Variants in DNAH14 observed in about 807,000 individuals in gnomAD.
DNAH14 encodes the protein axonemal beta dynein heavy chain 14.
DNAH14 carries 478 observed loss-of-function variants against 520.9 expected under a neutral mutation model. The ratio of observed to expected loss-of-function variants is 0.92; its 90% CI spans 0.85 to 0.99. The LOEUF is 0.99. Ranked by LOEUF, DNAH14 falls within the 50% of genes least tolerant of loss-of-function variation. DNAH14 has a pLI of 0.00. For missense variants in DNAH14, 4,831 were observed against 5,234.5 expected (o/e 0.92, Z 2.38); for synonymous variants, 1,581 against 1,757.2 (o/e 0.90, Z 2.51).
intron 15 of DNAH14, among the ~76,000 whole-genome samples, chr1:225,048,674 AT>A (rs2068191728): frequency 6.6e-6 from 1 of 152,184 alleles, no homozygotes; most frequent in Admixed American, 6.5e-5. Flanking sequence ...ACACATTCAC[AT>A]ATAGGCTTTT....
At chr1:225,131,316 T>C (rs1314644916) in intron 27 of DNAH14, among the ~76,000 whole-genome samples, 1 of 152,190 alleles carries the variant, frequency 6.6e-6, no homozygotes, top group Non-Finnish European at 1.5e-5. Flanking sequence ...TGGGCTAAGA[T>C]CAAGGTGTCA....
chr1:225,184,495 C>T (rs1167336974), intron 36 of DNAH14, among the ~76,000 whole-genome samples: 2 of 152,050 alleles, frequency 1.3e-5, no homozygotes, highest in Non-Finnish European at 2.9e-5. Flanking sequence ...TGGCACGCAC[C>T]TGTAGTCCCA....
chr1:225,363,574 C>G (rs1289631581), intron 75 of DNAH14, among the ~76,000 whole-genome samples: 1 of 152,104 alleles, frequency 6.6e-6, no homozygotes, highest in African/African-American at 2.4e-5. Flanking sequence ...CTGCCTTTGT[C>G]TTTCGTAACT....
chr1:224,945,052 T>G (rs531870571), intron 1 of DNAH14, among the ~76,000 whole-genome samples: 35 of 152,352 alleles, frequency 2.3e-4, no homozygotes, highest in Admixed American at 3.9e-4. Flanking sequence ...CTTGCTAGAC[T>G]GGGGAAGTTC....
At chr1:225,200,669 G>A (rs566078272) in intron 38 of DNAH14, among the ~76,000 whole-genome samples, 8 of 152,214 alleles carry the variant, frequency 5.3e-5, no homozygotes, top group African/African-American at 1.9e-4. Context: ...GTTTAAGGAG[G>A]CTGAAACTAG....
chr1:225,275,844 T>A (rs2093453641), intron 52 of DNAH14, 70 bp from the exon 53 acceptor site: 1 of 234,936 alleles, frequency 4.3e-6, no homozygotes, highest in Admixed American at 5.6e-5. Context: ...CACAGATATA[T>A]GCTGTGAGTT....
At chr1:225,397,109 G>A (rs10915820) in intron 84 of DNAH14, 77,420 of 151,520 alleles carry the variant, frequency 0.51, 22,150 homozygotes, top group East Asian at 0.74. Context: ...CTGGGTTCAC[G>A]CCATTCCCCT....
chr1:225,055,467 G>C (rs1439864230), intron 17 of DNAH14, among the ~76,000 whole-genome samples: 2 of 152,082 alleles, frequency 1.3e-5, no homozygotes, highest in African/African-American at 2.4e-5. Flanking sequence ...CCTCCCACCT[G>C]AGCCTCCAGA....
intron 36 of DNAH14, among the ~76,000 whole-genome samples, chr1:225,171,002 C>G (rs1276546154): frequency 1.3e-5 from 2 of 152,162 alleles, no homozygotes; most frequent in African/African-American, 4.8e-5. Flanking sequence ...AACGGAACAA[C>G]CTGCTCCTGA....
intron 49 of DNAH14, among the ~76,000 whole-genome samples, chr1:225,269,898 G>A (rs1190915000): frequency 6.6e-6 from 1 of 152,220 alleles, no homozygotes; most frequent in East Asian, 1.9e-4. Flanking sequence ...TTCAGCCATT[G>A]TGGAAGACAG....
Position 225,210,838 on chromosome 1 carries a change from C to T in DNAH14, c.6439+3618C>T, listed in dbSNP as rs565190018. 2.0e-4 allele frequency among the ~76,000 whole-genome samples: 30 copies of T among 152,316 alleles called. 1 individual carries two copies. The highest frequency in any genetic ancestry group is 6.0e-4 in the African/African-American group (25 of 41,572). On this transcript the variant is annotated intron_variant, in intron 41 of 85. Transcript: ENST00000682510. ...GCAATCTTTGCTGTTCTGCAACCTCCGCTGCTGATACCCAGGCAAACAGGA... is the reference window on the plus strand; with the variant it reads ...GCAATCTTTGCTGTTCTGCAACCTCTGCTGCTGATACCCAGGCAAACAGGA...
chr1:225,141,814 G>A (rs766076133), intron 28 of DNAH14, among the ~76,000 whole-genome samples: 1 of 152,156 alleles, frequency 6.6e-6, no homozygotes, highest in South Asian at 2.1e-4. Flanking sequence ...CCTACCTGGA[G>A]TCAATTAGTA....
intron 11 of DNAH14, 59 bp from the exon 12 acceptor site, chr1:225,038,635 T>A: frequency 6.8e-7 from 1 of 1,465,784 alleles, no homozygotes. Context: ...AGGTGTTCTT[T>A]ATATATGTAG....
intron 10 of DNAH14, among the ~76,000 whole-genome samples, chr1:225,019,125 CA>C (rs777811231): frequency 6.6e-6 from 1 of 152,122 alleles, no homozygotes; most frequent in Non-Finnish European, 1.5e-5. Flanking sequence ...CCAACTGTGA[CA>C]AACTGGATAA....
At chr1:225,181,691 T>A (rs540055912) in intron 36 of DNAH14, among the ~76,000 whole-genome samples, 170 of 152,324 alleles carry the variant, frequency 1.1e-3, no homozygotes, top group African/African-American at 3.8e-3. Flanking sequence ...TTTATTTGTT[T>A]GTTTGCTTGT....
At chr1:225,345,906 T>C (rs1466356801) in intron 69 of DNAH14, 56 bp from the exon 70 acceptor site, 3 of 1,411,898 alleles carry the variant, frequency 2.1e-6, no homozygotes, top group African/African-American at 2.9e-5. Context: ...AGTGAGGAAA[T>C]AGCCATTTAC....
intron 41 of DNAH14, among the ~76,000 whole-genome samples, chr1:225,221,839 C>G (rs892964271): frequency 2.6e-5 from 4 of 152,208 alleles, no homozygotes; most frequent in Non-Finnish European, 4.4e-5. Context: ...AGGTTGTTTA[C>G]TGATGTTGTC....
At chr1:225,218,574 C>T (rs1243667102) in intron 41 of DNAH14, among the ~76,000 whole-genome samples, 1 of 151,774 alleles carries the variant, frequency 6.6e-6, no homozygotes, top group African/African-American at 2.4e-5. Flanking sequence ...AAGGGCATTA[C>T]ATAATGGTAA....
chr1:225,381,513 C>A lies in DNAH14; in HGVS notation c.13011C>A (p.Ile4337=), dbSNP rs2150753666. ...DLQLAIKGEI[I]LTQELEEIFN... ...AGCTTGCTATAAAAGGAGAGATCAT[C>A]CTCACCCAAGAATTGGAGGAAATAT... Residue 4337 remains isoleucine (I), a synonymous_variant, in exon 81 of 86, where the codon ATC becomes ATA. Transcript: ENST00000682510. 1 of 1,549,288 alleles carries A rather than the reference C, an allele frequency of 6.5e-7. No homozygotes were observed. Among genetic ancestry groups the A allele is most frequent in the Non-Finnish European group, 8.7e-7 (1 of 1,146,324 alleles).
Sources: allele counts gnomAD v4.1 joint callset (sites outside exome capture counted in the v4.1 genomes callset), GRCh38; gene constraint gnomAD v4.1.1; transcripts MANE v1.5; gene names NCBI Gene and HGNC (gene_info 2026-07-23, HGNC 2026-07-21).